Variants in KCNN2 observed in about 807,000 individuals in gnomAD.
The protein encoded by KCNN2 is small conductance calcium-activated potassium channel protein 2.
In KCNN2, 24 loss-of-function variants were observed where a neutral mutation model predicts 55.5. The ratio of observed to expected loss-of-function variants is 0.43; its 90% CI spans 0.31 to 0.61. KCNN2 has a LOEUF of 0.61. Among genes scored for constraint, KCNN2 ranks in the 20% least tolerant of loss-of-function variants. KCNN2 has a pLI of 0.08. For synonymous variants in KCNN2, 431 were observed against 336.1 expected, an observed-to-expected ratio of 1.28 and a Z score of -3.09; for missense variants, 754 against 853.6, an observed-to-expected ratio of 0.88 and a Z score of 1.45.
At chr5:114,357,294 A>G (rs1025153091), upstream of KCNN2, among the ~76,000 whole-genome samples, 1 of 148,268 alleles carries the variant, frequency 6.7e-6, no homozygotes, top group African/African-American at 2.6e-5. Context: ...AACAACATGA[A>G]ATTTTTTTTT....
chr5:114,330,995 A>G lies in KCNN2; in HGVS notation c.-184-29950A>G, dbSNP rs77242949. ...TTTATTTACAAAGCAGATCCACCTT[A>G]TCACTGTGAATGAACTCCTTGCTAC... On this transcript the variant is annotated intron_variant, in intron 2 of 10. Transcript: ENST00000512097. 5.4e-3 allele frequency among the ~76,000 whole-genome samples: 822 copies of G among 152,350 alleles called. 9 individuals carry two copies. The highest frequency in any genetic ancestry group is 0.019 in the African/African-American group (783 of 41,584).
At chr5:114,408,609 C>T (rs1252681613) in intron 3 of KCNN2, among the ~76,000 whole-genome samples, 1 of 152,012 alleles carries the variant, frequency 6.6e-6, no homozygotes, top group African/African-American at 2.4e-5. Flanking sequence ...TACCTATTTA[C>T]TGTATAAAGA....
intron 1 of KCNN2, among the ~76,000 whole-genome samples, chr5:114,165,983 T>G (rs1752902168): frequency 6.6e-6 from 1 of 152,168 alleles, no homozygotes; most frequent in African/African-American, 2.4e-5. Flanking sequence ...TTGATAAGAA[T>G]AAGCTGCCTA....
At chr5:114,193,486 AAC>A (rs1753490487) in intron 1 of KCNN2, among the ~76,000 whole-genome samples, 1 of 152,176 alleles carries the variant, frequency 6.6e-6, no homozygotes, top group Non-Finnish European at 1.5e-5. Context: ...ATAGTGTTCC[AAC>A]ATAACAAGGC....
At chr5:114,290,800 A>G (rs983706643) in intron 2 of KCNN2, among the ~76,000 whole-genome samples, 4 of 152,032 alleles carry the variant, frequency 2.6e-5, no homozygotes, top group African/African-American at 9.7e-5. Context: ...GTTTACTTTT[A>G]TCTCTAAATA....
intron 5 of KCNN2, among the ~76,000 whole-genome samples, chr5:114,482,890 A>G (rs1001965110): frequency 1.3e-5 from 2 of 152,062 alleles, no homozygotes; most frequent in Non-Finnish European, 2.9e-5. Flanking sequence ...AGGAGGGGGT[A>G]GGGGGAGTGA....
intron 2 of KCNN2, among the ~76,000 whole-genome samples, chr5:114,390,344 G>T (rs567911975): frequency 1.3e-5 from 2 of 152,164 alleles, no homozygotes; most frequent in South Asian, 4.2e-4. Flanking sequence ...ATAAGTAAAA[G>T]ACTGACCATG....
chr5:114,406,697 A>G (rs1758945342), intron 3 of KCNN2, among the ~76,000 whole-genome samples: 1 of 151,942 alleles, frequency 6.6e-6, no homozygotes. Context: ...TGAAGAAATG[A>G]CTCTTGGAAC....
chr5:114,056,773 C>T (rs924971054), intron 1 of KCNN2, among the ~76,000 whole-genome samples: 4 of 152,186 alleles, frequency 2.6e-5, no homozygotes, highest in African/African-American at 9.7e-5. Context: ...GTCTTCCATC[C>T]TTCCCCCCTT....
intron 2 of KCNN2, among the ~76,000 whole-genome samples, chr5:114,228,024 T>A (rs1040823829): frequency 1.3e-4 from 8 of 62,724 alleles, no homozygotes; most frequent in Admixed American, 5.1e-4. Flanking sequence ...ATGATGATGA[T>A]GATGATGAAA....
intron 3 of KCNN2, among the ~76,000 whole-genome samples, chr5:114,419,648 T>A (rs1454558196): frequency 2.0e-5 from 3 of 152,208 alleles, no homozygotes; most frequent in Non-Finnish European, 4.4e-5. Flanking sequence ...TCTTTCTGAC[T>A]AGTACTAGCT....
intron 2 of KCNN2, among the ~76,000 whole-genome samples, chr5:114,309,285 G>A (rs1377958067): frequency 6.6e-6 from 1 of 152,112 alleles, no homozygotes; most frequent in Non-Finnish European, 1.5e-5. Context: ...TTAGATTCAA[G>A]GTCCGTAACA....
At chr5:114,352,060 C>T (rs1757215071) in intron 2 of KCNN2, among the ~76,000 whole-genome samples, 1 of 151,808 alleles carries the variant, frequency 6.6e-6, no homozygotes, top group African/African-American at 2.4e-5. Context: ...CAGGGCCTGG[C>T]CATTTCTTCA....
chr5:114,293,910 T>C (rs1385455177), intron 2 of KCNN2, among the ~76,000 whole-genome samples: 5 of 152,220 alleles, frequency 3.3e-5, no homozygotes, highest in Admixed American at 1.3e-4. Context: ...TTCTTCCTGG[T>C]TCAGTCTTGG....
At chr5:114,121,740 G>T (rs533871876) in intron 1 of KCNN2, among the ~76,000 whole-genome samples, 7 of 152,260 alleles carry the variant, frequency 4.6e-5, no homozygotes, top group African/African-American at 1.7e-4. Context: ...GCCTCTGATC[G>T]ATGTGGTGAC....
At chr5:114,298,926 A>G (rs556001284) in intron 2 of KCNN2, among the ~76,000 whole-genome samples, 2 of 152,258 alleles carry the variant, frequency 1.3e-5, no homozygotes, top group South Asian at 4.1e-4. Context: ...TTTGATCACT[A>G]TCAGTATAAA....
At position 114,251,992 on chromosome 5, in the gene KCNN2, C is replaced by A. The variant is rs540965807; in HGVS notation, c.-185+30427C>A. Among the ~76,000 whole-genome samples, 8 of 151,412 alleles carry A rather than the reference C, an allele frequency of 5.3e-5. No individual in the cohort carries two copies. The East Asian group carries it at 1.2e-3, about 22-fold the overall frequency. On this transcript the variant is annotated intron_variant, in intron 2 of 10. Transcript: ENST00000512097. ...CTCCCAGGTTCAAGCAATTCTCCCA[C>A]CTCAGCCTCCCGAGCAGCTGGGATT...
At chr5:114,375,801 G>A (rs1757910392) in intron 2 of KCNN2, among the ~76,000 whole-genome samples, 1 of 151,744 alleles carries the variant, frequency 6.6e-6, no homozygotes, top group Non-Finnish European at 1.5e-5. Flanking sequence ...GTGATACAAA[G>A]AGAAATCTCC....
At chr5:114,266,525 A>G (rs1219909878) in intron 2 of KCNN2, among the ~76,000 whole-genome samples, 1 of 152,166 alleles carries the variant, frequency 6.6e-6, no homozygotes, top group Non-Finnish European at 1.5e-5. Flanking sequence ...CTGCATTGTT[A>G]GAAGGTTATC....
Sources: gnomAD v4.1 joint callset for allele counts (sites outside exome capture counted in the v4.1 genomes callset) on GRCh38, gnomAD v4.1.1 for gene constraint, MANE v1.5 for transcripts, NCBI Gene and HGNC (gene_info 2026-07-23, HGNC 2026-07-21) for gene names.